Variants in LAMA1 observed in about 807,000 individuals in gnomAD.
LAMA1 encodes laminin subunit alpha 1, also known as laminin subunit alpha-1.
A neutral mutation model predicts 348.7 loss-of-function variants in LAMA1; 219 were observed. That is an observed-to-expected ratio of 0.63 (90% CI 0.56 to 0.70). LAMA1 has a LOEUF of 0.70. LAMA1 is among the 30% of genes least tolerant of loss of function. The pLI is 0.00. For synonymous variants in LAMA1, 1,487 were observed against 1,491.0 expected, an observed-to-expected ratio of 1.00 and a Z score of 0.06; for missense variants, 3,744 against 3,888.0, an observed-to-expected ratio of 0.96 and a Z score of 0.99.
chr18:7,007,995 C>T (rs1045504759), intron 28 of LAMA1, among the ~76,000 whole-genome samples: 1 of 152,010 alleles, frequency 6.6e-6, no homozygotes, highest in African/African-American at 2.4e-5. Context: ...TGCAATGGCA[C>T]GATCTCGGCT....
At chr18:7,054,916 T>C (rs1209706019) in intron 3 of LAMA1, among the ~76,000 whole-genome samples, 4 of 152,176 alleles carry the variant, frequency 2.6e-5, no homozygotes. Context: ...ATACAACACA[T>C]AAATACATAT....
intron 1 of LAMA1, among the ~76,000 whole-genome samples, chr18:7,090,397 T>C (rs2143800244): frequency 6.6e-6 from 1 of 152,216 alleles, no homozygotes; most frequent in East Asian, 1.9e-4. Flanking sequence ...CTCTAACACC[T>C]GGGAGTATTT....
intron 1 of LAMA1, among the ~76,000 whole-genome samples, chr18:7,110,193 CA>C (rs58053263): frequency 0.1 from 13,778 of 134,026 alleles, 1,705 homozygotes; most frequent in African/African-American, 0.3. Context: ...CACCCGCTGC[CA>C]AAAAAAAAAA....
At chr18:6,947,716 G>A (rs1055329729) in intron 60 of LAMA1, among the ~76,000 whole-genome samples, 10 of 152,146 alleles carry the variant, frequency 6.6e-5, no homozygotes, top group Non-Finnish European at 1.3e-4. Flanking sequence ...TTTACTGAGT[G>A]TATCAGAGTC....
intron 30 of LAMA1, among the ~76,000 whole-genome samples, chr18:7,001,548 T>A (rs1237082754): frequency 6.6e-6 from 1 of 152,168 alleles, no homozygotes; most frequent in East Asian, 1.9e-4. Flanking sequence ...TCAGGCATCA[T>A]TTACTTGGAG....
At chr18:7,073,384 T>C (rs993460483) in intron 3 of LAMA1, among the ~76,000 whole-genome samples, 2 of 152,130 alleles carry the variant, frequency 1.3e-5, no homozygotes, top group Admixed American at 1.3e-4. Context: ...GAACCTAAAC[T>C]GTGCACCCAT....
intron 3 of LAMA1, among the ~76,000 whole-genome samples, chr18:7,069,804 C>T (rs1224008294): frequency 6.6e-6 from 1 of 151,934 alleles, no homozygotes; most frequent in African/African-American, 2.4e-5. Context: ...CCCAAACCCC[C>T]TCCTCCAGCT....
chr18:6,961,905 T>G, intron 52 of LAMA1, 40 bp downstream of exon 52: 1 of 1,579,220 alleles, frequency 6.3e-7, no homozygotes, highest in East Asian at 2.2e-5. Flanking sequence ...AATGGACACT[T>G]ATGGAAACTC....
At chr18:6,957,642 C>T (rs1354129413) in intron 55 of LAMA1, among the ~76,000 whole-genome samples, 1 of 152,148 alleles carries the variant, frequency 6.6e-6, no homozygotes, top group East Asian at 1.9e-4. Context: ...AGATGCTGGT[C>T]CCACAGAGCA....
intron 19 of LAMA1, among the ~76,000 whole-genome samples, chr18:7,018,675 G>C (rs1183990480): frequency 6.6e-6 from 1 of 152,124 alleles, no homozygotes; most frequent in African/African-American, 2.4e-5. Flanking sequence ...GATTACAGGC[G>C]TGAGCCACCG....
intron 3 of LAMA1, among the ~76,000 whole-genome samples, chr18:7,056,402 A>G (rs1018399114): frequency 8.5e-5 from 13 of 152,210 alleles, no homozygotes; most frequent in African/African-American, 2.9e-4. Context: ...GAAAGAACTA[A>G]CAAGTTTACC....
intron 17 of LAMA1, among the ~76,000 whole-genome samples, chr18:7,025,244 T>C (rs1726571819): frequency 6.6e-6 from 1 of 152,222 alleles, no homozygotes; most frequent in African/African-American, 2.4e-5. Context: ...CATGGCCTGC[T>C]GCAGTTCCTC....
rs2057535346 is a variant in LAMA1, at chr18:6,949,170, C to A, written c.8487G>T (p.Met2829Ile). ...GGTAGAACAAACCCTCCACATCCAG[C>A]ATGGTTCCATCTCCCACCACAGTCA... is the stretch of plus-strand genomic sequence containing the variant. ...PMVTVVGDGTMLDVEGLFYLG... is the reference protein window; with the variant it reads ...PMVTVVGDGTILDVEGLFYLG... The change falls in exon 59 of 63, where the codon ATG becomes ATT. Residue 2829 changes from methionine to isoleucine, a missense_variant. Coordinates refer to ENST00000389658, the MANE Select transcript of LAMA1 (RefSeq NM_005559.4). 8 of 1,614,206 alleles carry A rather than the reference C, an allele frequency of 5.0e-6. No individual in the cohort carries two copies. Among genetic ancestry groups the A allele is most frequent in the South Asian group, 1.1e-5 (1 of 91,080 alleles).
intron 1 of LAMA1, among the ~76,000 whole-genome samples, chr18:7,107,032 T>G (rs755307481): frequency 5.9e-5 from 9 of 151,838 alleles, no homozygotes; most frequent in Non-Finnish European, 1.3e-4. Context: ...CTAACTTACA[T>G]GAATATGAGC....
At position 6,971,992 on chromosome 18, in the gene LAMA1, C is replaced by G. The variant is rs764772195; in HGVS notation, c.6775-11G>C. The G allele has an allele frequency of 6.8e-6, 11 of 1,613,488 alleles. No homozygotes were observed. The highest frequency in any genetic ancestry group is 9.3e-6 in the Non-Finnish European group (11 of 1,179,966). The stretch of plus-strand genomic sequence containing the variant: ...CACAGCAGGAGATTTCTAATGCAAA[C>G]AAGCAAACAAACATAACCAATATAT... On this transcript the variant is annotated splice_polypyrimidine_tract_variant and intron_variant, in intron 47 of 62. Transcript: ENST00000389658.
rs967123844 is a variant in LAMA1, at chr18:7,050,982, C to G, written c.346-46G>C. 5.6e-6 allele frequency: 9 copies of G among 1,608,634 alleles called. No individual in the cohort carries two copies. In the Admixed American group the frequency reaches 6.7e-5, roughly 12 times the overall value. On this transcript the variant is annotated intron_variant, in intron 3 of 62. Coordinates refer to ENST00000389658, the MANE Select transcript of LAMA1 (RefSeq NM_005559.4). ...AGTCTCAATCCAGAATCAATACAAG[C>G]CAGGCACAGAATGAGAGCTACTGCA... is the stretch of plus-strand genomic sequence containing the variant.
intron 56 of LAMA1, 111 bp from the exon 57 acceptor site, chr18:6,955,576 A>T (rs1462081026): frequency 1.3e-6 from 1 of 751,776 alleles, no homozygotes; most frequent in Non-Finnish European, 2.4e-6. Context: ...TTAGAACAGC[A>T]ACAACCACCA....
chr18:7,088,091 C>T (rs757477527), intron 1 of LAMA1, among the ~76,000 whole-genome samples: 2 of 152,068 alleles, frequency 1.3e-5, no homozygotes, highest in East Asian at 1.9e-4. Context: ...GCACATACCT[C>T]GAAATAGAAG....
intron 9 of LAMA1, among the ~76,000 whole-genome samples, chr18:7,041,884 C>A (rs1367631318): frequency 6.6e-6 from 1 of 152,198 alleles, no homozygotes; most frequent in Admixed American, 6.5e-5. Context: ...CATGACACTA[C>A]CTCTCGACCT....
Sources: allele counts gnomAD v4.1 joint callset (sites outside exome capture counted in the v4.1 genomes callset), GRCh38; gene constraint gnomAD v4.1.1; transcripts MANE v1.5; gene names NCBI Gene and HGNC (gene_info 2026-07-23, HGNC 2026-07-21).